Variants in MLIP observed in about 807,000 individuals in gnomAD.
The protein encoded by MLIP is muscular LMNA-interacting protein.
MLIP carries 79 observed loss-of-function variants against 84.8 expected under a neutral mutation model. The ratio of observed to expected loss-of-function variants is 0.93; its 90% CI spans 0.78 to 1.12. The LOEUF (loss-of-function observed/expected upper bound fraction) is 1.12, where lower values mean the gene tolerates loss of function less well. Among genes scored for constraint, MLIP ranks in the 50% most tolerant of loss-of-function variants. The pLI is 0.00. For missense variants in MLIP, 1,257 were observed against 1,160.6 expected, an observed-to-expected ratio of 1.08 and a Z score of -1.21; for synonymous variants, 504 against 463.0, an observed-to-expected ratio of 1.09 and a Z score of -1.14.
chr6:54,144,705 T>C (rs551614449), intron 4 of MLIP, among the ~76,000 whole-genome samples: 44 of 152,272 alleles, frequency 2.9e-4, no homozygotes, highest in Admixed American at 1.3e-3. Context: ...CAGTTTATGG[T>C]CTGGGGGTTA....
intron 5 of MLIP, among the ~76,000 whole-genome samples, chr6:54,159,347 T>C (rs1774373931): frequency 1.3e-5 from 2 of 152,160 alleles, no homozygotes; most frequent in South Asian, 2.1e-4. Flanking sequence ...AAAATCGAAA[T>C]TTGAATTAAT....
At chr6:54,081,830 T>C (rs1405390511) in intron 1 of MLIP, among the ~76,000 whole-genome samples, 1 of 152,186 alleles carries the variant, frequency 6.6e-6, no homozygotes, top group Non-Finnish European at 1.5e-5. Context: ...GTTCTTTATC[T>C]TTAAGTAGGA....
intron 8 of MLIP, among the ~76,000 whole-genome samples, chr6:54,161,479 G>A (rs553193352): frequency 8.4e-4 from 127 of 151,644 alleles, no homozygotes; most frequent in African/African-American, 3.0e-3. Flanking sequence ...AAACACTTAA[G>A]CTCTACTCAT....
rs145946168 is a variant in MLIP, at chr6:54,124,754, G to C, written c.534G>C (p.Ser178=). 1 of 1,614,166 alleles carries C rather than the reference G, an allele frequency of 6.2e-7. No homozygotes were observed. Among genetic ancestry groups the C allele is most frequent in the Non-Finnish European group, 8.5e-7 (1 of 1,180,028 alleles). The change falls in exon 3 of 14, where the codon TCG becomes TCC. Residue 178 remains serine, a synonymous_variant. Coordinates refer to ENST00000502396, the MANE Select transcript of MLIP (RefSeq NM_001281747.2). ...TCCGGCCCAAGTCTCTAGCTATCTC[G>C]TCCAGTCTGGTCTCTGATGTAGTGC... ...AAVRPKSLAI[S]SSLVSDVVRP... is the part of the protein sequence containing the mutation.
At chr6:54,045,610 AC>A (rs1223349475) in intron 1 of MLIP, 1 of 152,004 alleles carries the variant, frequency 6.6e-6, no homozygotes, top group Non-Finnish European at 1.5e-5. Context: ...TGGAAGAGGG[AC>A]CTGGTGGGAG....
At chr6:54,035,697 T>C (rs1301720525) in intron 1 of MLIP, among the ~76,000 whole-genome samples, 1 of 152,070 alleles carries the variant, frequency 6.6e-6, no homozygotes, top group African/African-American at 2.4e-5. Context: ...GGTTTTAATT[T>C]ATATTCCCTT....
At chr6:54,077,952 A>G (rs529531294) in intron 1 of MLIP, among the ~76,000 whole-genome samples, 62 of 152,268 alleles carry the variant, frequency 4.1e-4, no homozygotes, top group African/African-American at 1.4e-3. Flanking sequence ...TCAAGTTTCT[A>G]TATCTAGATA....
At chr6:54,221,075 A>G (rs1780186690) in intron 11 of MLIP, among the ~76,000 whole-genome samples, 1 of 152,116 alleles carries the variant, frequency 6.6e-6, no homozygotes, top group African/African-American at 2.4e-5. Flanking sequence ...CGCATTAGAA[A>G]TGCTCGTTTT....
At chr6:54,197,619 A>G (rs2754804) in intron 10 of MLIP, among the ~76,000 whole-genome samples, 152,060 of 152,144 alleles carry the variant, frequency 1, 75,988 homozygotes, top group Middle Eastern at 1. Context: ...GAGTCATTAC[A>G]TTTTTTATTT....
At chr6:54,181,101 T>C (rs551382878) in intron 9 of MLIP, among the ~76,000 whole-genome samples, 1 of 152,166 alleles carries the variant, frequency 6.6e-6, no homozygotes, top group Non-Finnish European at 1.5e-5. Context: ...CTGTGGCAAG[T>C]TCCCCCAGGC....
At chr6:54,261,904 A>G (rs570541213) in intron 13 of MLIP, 2 of 231,692 alleles carry the variant, frequency 8.6e-6, no homozygotes, top group Admixed American at 1.3e-4. Flanking sequence ...TTGTAATCTT[A>G]GGCAAGAATT....
At chr6:54,129,968 T>C (rs183619533) in intron 3 of MLIP, among the ~76,000 whole-genome samples, 15 of 151,858 alleles carry the variant, frequency 9.9e-5, no homozygotes, top group Non-Finnish European at 1.9e-4. Context: ...GACCAAGTGA[T>C]TTTTTTTTAA....
intron 9 of MLIP, among the ~76,000 whole-genome samples, chr6:54,178,621 A>C (rs1410735472): frequency 6.6e-6 from 1 of 152,040 alleles, no homozygotes; most frequent in Non-Finnish European, 1.5e-5. Flanking sequence ...GAAATCTTTC[A>C]ATTTCTTTCT....
intron 3 of MLIP, among the ~76,000 whole-genome samples, chr6:54,128,623 TTA>T (rs980050953): frequency 1.3e-4 from 20 of 151,858 alleles, no homozygotes; most frequent in African/African-American, 4.8e-4. Context: ...GTGAGCGAGA[TTA>T]TGGGGACAGA....
At chr6:54,237,479 A>G (rs1781442716) in intron 12 of MLIP, among the ~76,000 whole-genome samples, 1 of 152,124 alleles carries the variant, frequency 6.6e-6, no homozygotes, top group African/African-American at 2.4e-5. Context: ...ATCTGTACAA[A>G]CATATATACA....
Position 54,116,783 on chromosome 6 carries a change from CACA to C in MLIP, c.97-4659_97-4657del, listed in dbSNP as rs558942747. Among the ~76,000 whole-genome samples, 170 of 152,276 alleles carry C rather than the reference CACA, an allele frequency of 1.1e-3. 1 individual carries two copies. The South Asian group carries it at 0.016, about 14-fold the overall frequency. ...CCCTGATGCCAAAACCAGACAACAA[CACA>C]ACAAGAAAAGAAAGCTACAGGCCAA... On this transcript the variant is annotated intron_variant, in intron 1 of 13. Coordinates refer to ENST00000502396, the MANE Select transcript of MLIP (RefSeq NM_001281747.2).
At chr6:54,155,034 AC>A (rs1328033566) in intron 5 of MLIP, among the ~76,000 whole-genome samples, 2 of 152,298 alleles carry the variant, frequency 1.3e-5, no homozygotes, top group South Asian at 2.1e-4. Context: ...TGTGGGAGGA[AC>A]AAACATTTAA....
intron 1 of MLIP, among the ~76,000 whole-genome samples, chr6:54,066,737 A>G (rs1293118877): frequency 1.0e-5 from 1 of 99,984 alleles, no homozygotes; most frequent in African/African-American, 2.6e-5. Flanking sequence ...AACATTACGT[A>G]CAAGATACTG....
upstream of MLIP, among the ~76,000 whole-genome samples, chr6:54,106,801 T>G (rs888365136): frequency 6.6e-6 from 1 of 152,170 alleles, no homozygotes; most frequent in Admixed American, 6.5e-5. Flanking sequence ...GTTAATTGTG[T>G]GAGTGAAGTC....
Sources: gnomAD v4.1 joint callset for allele counts (sites outside exome capture counted in the v4.1 genomes callset) on GRCh38, gnomAD v4.1.1 for gene constraint, MANE v1.5 for transcripts, NCBI Gene and HGNC (gene_info 2026-07-23, HGNC 2026-07-21) for gene names.